Variants in WDPCP observed in about 807,000 individuals in gnomAD.
The protein encoded by WDPCP is WD repeat-containing and planar cell polarity effector protein fritz homolog.
WDPCP carries 71 observed loss-of-function variants against 93.1 expected under a neutral mutation model. The ratio of observed to expected loss-of-function variants is 0.76; its 90% CI spans 0.63 to 0.93. The LOEUF is 0.93. WDPCP is among the 40% of genes least tolerant of loss of function. The probability of loss-of-function intolerance (pLI) is 0.00; values close to 1 mark genes in which losing one functional copy is unlikely to be tolerated. For missense variants in WDPCP, 844 were observed against 887.4 expected, an observed-to-expected ratio of 0.95 and a Z score of 0.62; for synonymous variants, 315 against 315.0, an observed-to-expected ratio of 1.00 and a Z score of 0.00.
chr2:63,703,300 A>T (rs1406273750), intron 2 of WDPCP, among the ~76,000 whole-genome samples: 1 of 152,190 alleles, frequency 6.6e-6, no homozygotes, highest in Admixed American at 6.5e-5. Context: ...TCGCCACACC[A>T]ACTTCCACAA....
intron 6 of WDPCP, among the ~76,000 whole-genome samples, chr2:63,457,325 TAA>T (rs1558660102): frequency 6.6e-6 from 1 of 150,678 alleles, no homozygotes; most frequent in African/African-American, 2.4e-5. Flanking sequence ...TGAATCAGTA[TAA>T]AAAGTCTCCC....
chr2:63,380,599 T>C (rs1391015948), intron 11 of WDPCP, among the ~76,000 whole-genome samples: 2 of 152,122 alleles, frequency 1.3e-5, no homozygotes, highest in Non-Finnish European at 2.9e-5. Context: ...GGTGCACATC[T>C]GTAATCCCAG....
chr2:63,736,123 C>T (rs1669636719), intron 2 of WDPCP, among the ~76,000 whole-genome samples: 1 of 152,160 alleles, frequency 6.6e-6, no homozygotes, highest in Admixed American at 6.5e-5. Flanking sequence ...ATGACTTCTC[C>T]AGGAAAACAT....
In WDPCP at chr2:63,404,404, G is replaced by A. The variant is rs141011629; in HGVS notation, c.1079C>T (p.Ser360Leu). ...DKLILGCEDS[S>L]LILYETHRRV... Reference sequence around the variant, plus strand: ...ACGGTGAGTTTCATAAAGAATTAGCGAAGAATCTTCACAGCCCAGAATCAG... The same window carrying A: ...ACGGTGAGTTTCATAAAGAATTAGCAAAGAATCTTCACAGCCCAGAATCAG... The change falls in exon 10 of 18, where the codon TCG (serine) becomes TTG (leucine). Residue 360 changes from serine (S) to leucine (L), a missense_variant. Coordinates refer to ENST00000272321, the MANE Select transcript of WDPCP (RefSeq NM_015910.7). 1.0e-4 allele frequency: 162 copies of A among 1,614,158 alleles called. 2 individuals carry two copies. The East Asian group carries it at 1.2e-3, about 12-fold the overall frequency.
chr2:63,690,732 A>G (rs1668877073), intron 2 of WDPCP, among the ~76,000 whole-genome samples: 1 of 152,120 alleles, frequency 6.6e-6, no homozygotes, highest in Non-Finnish European at 1.5e-5. Context: ...ACAGAGTGAG[A>G]CCCTGTCTCG....
At chr2:63,438,889 T>C (rs1269201989) in intron 7 of WDPCP, among the ~76,000 whole-genome samples, 1 of 152,130 alleles carries the variant, frequency 6.6e-6, no homozygotes, top group Non-Finnish European at 1.5e-5. Context: ...AATACAATGT[T>C]TCTCAACCTT....
chr2:63,432,326 T>C (rs2105453033), intron 9 of WDPCP, among the ~76,000 whole-genome samples: 1 of 152,268 alleles, frequency 6.6e-6, no homozygotes, highest in African/African-American at 2.4e-5. Context: ...CCACTTTCTG[T>C]TGGGTCCCAC....
chr2:63,138,484 C>T (rs1352030276), intron 17 of WDPCP, among the ~76,000 whole-genome samples: 30 of 144,578 alleles, frequency 2.1e-4, no homozygotes, highest in South Asian at 4.3e-4. Flanking sequence ...GACGGAGTCT[C>T]GCTGTTGCCC....
At chr2:63,187,581 C>T (rs989911835) in intron 14 of WDPCP, among the ~76,000 whole-genome samples, 1 of 152,150 alleles carries the variant, frequency 6.6e-6, no homozygotes, top group African/African-American at 2.4e-5. Flanking sequence ...AACTTAATTT[C>T]AATTGCATAC....
chr2:63,452,677 A>G (rs1185913165), intron 6 of WDPCP, among the ~76,000 whole-genome samples: 1 of 152,256 alleles, frequency 6.6e-6, no homozygotes, highest in African/African-American at 2.4e-5. Flanking sequence ...GCATCACGCT[A>G]CCTGACTTCA....
intron 1 of WDPCP, among the ~76,000 whole-genome samples, chr2:63,533,774 A>T (rs1704046497): frequency 6.6e-6 from 1 of 152,216 alleles, no homozygotes; most frequent in African/African-American, 2.4e-5. Flanking sequence ...TCTAAAATCG[A>T]CACCCTAACA....
intron 9 of WDPCP, among the ~76,000 whole-genome samples, chr2:63,412,734 C>G (rs1187469679): frequency 6.6e-6 from 1 of 151,822 alleles, no homozygotes; most frequent in Non-Finnish European, 1.5e-5. Context: ...ACAACAGCAT[C>G]CAAGCAGAGA....
rs531655809 is a variant in WDPCP at position 63,735,338 on chromosome 2, T to A, written n.308+78284A>T. On this transcript the variant is annotated intron_variant and non_coding_transcript_variant, in intron 2 of 4. Transcript: ENST00000467687. ...CCTTAAACTGTAAGGAGAGGTAGAA[T>A]CTGAACAGGTAGAAAGAGGGAGCAA... Among the ~76,000 whole-genome samples, 12 of 152,112 alleles carry A rather than the reference T, an allele frequency of 7.9e-5. No individual in the cohort carries two copies. In the East Asian group the frequency reaches 2.3e-3, roughly 29 times the overall value.
At chr2:63,566,701 A>G (rs1477505978) in intron 1 of WDPCP, among the ~76,000 whole-genome samples, 1 of 152,330 alleles carries the variant, frequency 6.6e-6, no homozygotes, top group East Asian at 1.9e-4. Flanking sequence ...ATTCAGTTCA[A>G]TCCTGACAAT....
intron 12 of WDPCP, among the ~76,000 whole-genome samples, chr2:63,315,860 G>A (rs1173005611): frequency 6.6e-6 from 1 of 151,614 alleles, no homozygotes; most frequent in Non-Finnish European, 1.5e-5. Flanking sequence ...TAAGTACCTC[G>A]AGTGTCTTAG....
chr2:63,764,314 T>C (rs1670106239), intron 2 of WDPCP, among the ~76,000 whole-genome samples: 1 of 152,126 alleles, frequency 6.6e-6, no homozygotes, highest in Admixed American at 6.5e-5. Context: ...ACTTTAATAA[T>C]AGGGTTTGCA....
At chr2:63,476,346 C>T (rs1187223869) in intron 6 of WDPCP, among the ~76,000 whole-genome samples, 1 of 152,156 alleles carries the variant, frequency 6.6e-6, no homozygotes, top group Non-Finnish European at 1.5e-5. Context: ...AATGGGCTCA[C>T]CTCCTCAATA....
chr2:63,425,954 A>G lies in WDPCP; in HGVS notation c.825+7791T>C, dbSNP rs943440933. ...ATTGCCCAAAGTCAACATCAAAGAA[A>G]AAATCTTAATGGGGCCTAGACAGAA... On this transcript the variant is annotated intron_variant, in intron 9 of 17. Coordinates refer to ENST00000272321, the MANE Select transcript of WDPCP (RefSeq NM_015910.7). Among the ~76,000 whole-genome samples the G allele has an allele frequency of 5.9e-5, 9 of 152,204 alleles. 1 individual carries two copies. Among genetic ancestry groups the G allele is most frequent in the Non-Finnish European group, 1.5e-5 (1 of 68,034 alleles).
At chr2:63,596,318 C>T (rs1197266761) in intron 3 of WDPCP, among the ~76,000 whole-genome samples, 1 of 152,172 alleles carries the variant, frequency 6.6e-6, no homozygotes, top group Admixed American at 6.5e-5. Context: ...GTTGAATAAA[C>T]ATTTGCTAGA....
Sources: allele counts gnomAD v4.1 joint callset (sites outside exome capture counted in the v4.1 genomes callset), GRCh38; gene constraint gnomAD v4.1.1; transcripts MANE v1.5; gene names NCBI Gene and HGNC (gene_info 2026-07-23, HGNC 2026-07-21).